TRPM3: variants seen among roughly 807,000 people sequenced by gnomAD.
The protein encoded by TRPM3 is transient receptor potential cation channel subfamily M member 3, also known as long transient receptor potential channel 3.
TRPM3 carries 77 observed loss-of-function variants against 181.2 expected under a neutral mutation model. The ratio of observed to expected loss-of-function variants is 0.42; its 90% CI spans 0.35 to 0.51. TRPM3 has a LOEUF of 0.51. Ranked by LOEUF, TRPM3 falls within the 20% of genes least tolerant of loss-of-function variation. The pLI, the probability that TRPM3 is intolerant of heterozygous loss-of-function variation, is 0.01. For synonymous variants in TRPM3, 745 were observed against 796.4 expected (o/e 0.94, Z 1.09); for missense variants, 1,759 against 2,196.7 (o/e 0.80, Z 3.98).
intron 1 of TRPM3, among the ~76,000 whole-genome samples, chr9:71,289,523 A>G (rs2085600457): frequency 6.6e-6 from 1 of 152,172 alleles, no homozygotes; most frequent in African/African-American, 2.4e-5. Context: ...CTAGTGTTCA[A>G]TAGTACAGTA....
chr9:70,864,694 C>T (rs866540264), intron 1 of TRPM3, among the ~76,000 whole-genome samples, 183 bp from the exon 2 acceptor site: 16 of 151,804 alleles, frequency 1.1e-4, no homozygotes, highest in South Asian at 2.1e-4. Flanking sequence ...AATTACTTCC[C>T]GTACCTGCTG....
At chr9:71,379,098 A>G (rs1358250816) in intron 1 of TRPM3, among the ~76,000 whole-genome samples, 1 of 151,988 alleles carries the variant, frequency 6.6e-6, no homozygotes, top group African/African-American at 2.4e-5. Flanking sequence ...ATCTTGTTTC[A>G]GTTTTCTTAT....
Position 70,635,224 on chromosome 9 carries a change from C to A in TRPM3, c.1619G>T (p.Arg540Met). Residue 540 changes from arginine (R) to methionine (M), a missense_variant, in exon 12 of 26, where the codon AGG becomes ATG. Physicochemically the swap from Arg to Met is moderately conservative, Grantham distance 91. Coordinates refer to ENST00000677713, the MANE Select transcript of TRPM3 (RefSeq NM_001366145.2). ...GAGGGTTCTTACCTTTTTGACATCC[C>A]TGACCAAGTGGTACAATGTATTTGA... Reference protein sequence around the residue: ...GPSNTLYHLVRDVKKREYPGF... With the variant: ...GPSNTLYHLVMDVKKREYPGF... The A allele has an allele frequency of 6.2e-7, 1 of 1,613,974 alleles. No individual in the cohort carries two copies. Among genetic ancestry groups the A allele is most frequent in the Non-Finnish European group, 8.5e-7 (1 of 1,179,936 alleles).
At chr9:71,210,394 T>C (rs2079415653) in intron 1 of TRPM3, among the ~76,000 whole-genome samples, 1 of 152,182 alleles carries the variant, frequency 6.6e-6, no homozygotes, top group African/African-American at 2.4e-5. Context: ...AAGTACACCA[T>C]AAATGTAATG....
At chr9:71,039,943 A>C (rs2058642922) in intron 1 of TRPM3, among the ~76,000 whole-genome samples, 1 of 152,202 alleles carries the variant, frequency 6.6e-6, no homozygotes, top group East Asian at 1.9e-4. Context: ...CAAAATTATA[A>C]TATTTGATAA....
chr9:71,000,362 A>C (rs2097585577), intron 1 of TRPM3, among the ~76,000 whole-genome samples: 1 of 152,208 alleles, frequency 6.6e-6, no homozygotes, highest in South Asian at 2.1e-4. Flanking sequence ...CATTTCCAAA[A>C]TACTGCTAAG....
chr9:70,852,322 G>A (rs11142619), intron 3 of TRPM3, among the ~76,000 whole-genome samples: 4 of 151,490 alleles, frequency 2.6e-5, no homozygotes, highest in Non-Finnish European at 4.4e-5. Context: ...TTTACCGATG[G>A]GAACAGAAAG....
chr9:70,683,494 T>C (rs2066013181), intron 8 of TRPM3, among the ~76,000 whole-genome samples: 1 of 135,676 alleles, frequency 7.4e-6, no homozygotes, highest in South Asian at 2.6e-4. Context: ...CCCAGGCTGG[T>C]CCTGAACTCC....
intron 1 of TRPM3, among the ~76,000 whole-genome samples, chr9:71,071,832 G>A (rs918730339): frequency 6.6e-6 from 1 of 152,180 alleles, no homozygotes; most frequent in Non-Finnish European, 1.5e-5. Context: ...ACATGAGGAT[G>A]CAGGTGGAGC....
chr9:70,975,960 G>A (rs748460152), intron 1 of TRPM3, among the ~76,000 whole-genome samples: 4 of 152,114 alleles, frequency 2.6e-5, no homozygotes, highest in Non-Finnish European at 5.9e-5. Context: ...TAGTGGATAC[G>A]GCACATTTTA....
In TRPM3 at chr9:70,619,064, C is replaced by T; in HGVS notation, c.2161G>A (p.Asp721Asn). ...DFGQLAVELL[D>N]QSYKQDEQLA... is the part of the protein sequence containing the mutation. ...TGTTCGTCCTGCTTGTAGGACTGGT[C>T]CAGGAGCTCCACAGCCAGCTGGCCA... The change falls in exon 17 of 26, where the codon GAC (aspartate) becomes AAC (asparagine). Residue 721 changes from aspartate to asparagine, a missense_variant. Asp to Asn is a conservative substitution (Grantham distance 23, BLOSUM62 1). Coordinates refer to ENST00000677713, the MANE Select transcript of TRPM3 (RefSeq NM_001366145.2). 1.2e-6 allele frequency: 2 copies of T among 1,613,832 alleles called. No homozygotes were observed. The highest frequency in any genetic ancestry group is 1.7e-6 in the Non-Finnish European group (2 of 1,179,868).
At chr9:71,075,112 T>TA (rs2063284206) in intron 1 of TRPM3, among the ~76,000 whole-genome samples, 1 of 152,136 alleles carries the variant, frequency 6.6e-6, no homozygotes, top group South Asian at 2.1e-4. Context: ...CTTGTTTTGT[T>TA]TTCTGATTTG....
intron 1 of TRPM3, among the ~76,000 whole-genome samples, chr9:71,336,403 A>G (rs921466309): frequency 6.6e-6 from 1 of 152,196 alleles, no homozygotes; most frequent in Non-Finnish European, 1.5e-5. Context: ...AAGGGATGTG[A>G]AGGACTTCTT....
At chr9:71,224,044 T>C (rs534309248) in intron 1 of TRPM3, among the ~76,000 whole-genome samples, 1 of 152,258 alleles carries the variant, frequency 6.6e-6, no homozygotes, top group African/African-American at 2.4e-5. Flanking sequence ...TAAGTAAACA[T>C]AGGCAATAGC....
intron 1 of TRPM3, among the ~76,000 whole-genome samples, chr9:71,072,015 G>T (rs1010045084): frequency 2.6e-5 from 4 of 152,118 alleles, no homozygotes; most frequent in African/African-American, 9.7e-5. Flanking sequence ...TTTGGTACTG[G>T]GTCTCTTGAT....
intron 7 of TRPM3, among the ~76,000 whole-genome samples, chr9:70,762,586 G>C (rs1269069976): frequency 6.6e-6 from 1 of 152,044 alleles, no homozygotes; most frequent in East Asian, 1.9e-4. Flanking sequence ...AAGGACCAGT[G>C]GCAAAATTAC....
At chr9:71,362,150 A>T (rs4744631) in intron 1 of TRPM3, among the ~76,000 whole-genome samples, 2 of 152,212 alleles carry the variant, frequency 1.3e-5, no homozygotes, top group Non-Finnish European at 2.9e-5. Context: ...CACACTTCAC[A>T]TATATGAAGG....
At chr9:71,063,136 A>G (rs2061513979) in intron 1 of TRPM3, among the ~76,000 whole-genome samples, 1 of 152,052 alleles carries the variant, frequency 6.6e-6, no homozygotes, top group Non-Finnish European at 1.5e-5. Flanking sequence ...TGGTCACATC[A>G]TCAAAGCAAT....
chr9:71,162,517 A>G (rs971655145), intron 1 of TRPM3, among the ~76,000 whole-genome samples: 1 of 152,302 alleles, frequency 6.6e-6, no homozygotes, highest in Admixed American at 6.5e-5. Context: ...AGCTTCATGC[A>G]ATATTACTAG....
Sources: allele counts gnomAD v4.1 joint callset (sites outside exome capture counted in the v4.1 genomes callset), GRCh38; gene constraint gnomAD v4.1.1; transcripts MANE v1.5; gene names NCBI Gene and HGNC (gene_info 2026-07-23, HGNC 2026-07-21).